PTPRD: variants seen among roughly 807,000 people sequenced by gnomAD.
PTPRD encodes the protein receptor-type tyrosine-protein phosphatase delta.
A neutral mutation model predicts 214.5 loss-of-function variants in PTPRD; 34 were observed. The observed-to-expected ratio is 0.16, with a 90% confidence interval of 0.12 to 0.21. The LOEUF (loss-of-function observed/expected upper bound fraction) is 0.21. Ranked by LOEUF, PTPRD falls within the 10% of genes least tolerant of loss-of-function variation. PTPRD has a pLI of 1.00. For synonymous variants in PTPRD, 1,128 were observed against 845.7 expected (o/e 1.33, Z -5.79); for missense variants, 2,545 against 2,398.7 (o/e 1.06, Z -1.27).
chr9:9,465,720 G>A (rs2094094375), intron 8 of PTPRD, among the ~76,000 whole-genome samples: 1 of 152,026 alleles, frequency 6.6e-6, no homozygotes, highest in Non-Finnish European at 1.5e-5. Context: ...GTGAGATTTT[G>A]CTTAATGAAA....
At chr9:8,956,910 T>C (rs1417515663) in intron 11 of PTPRD, among the ~76,000 whole-genome samples, 2 of 151,876 alleles carry the variant, frequency 1.3e-5, no homozygotes, top group East Asian at 1.9e-4. Flanking sequence ...AACATTGCTA[T>C]TTTTTGAAAC....
At chr9:9,680,642 C>A (rs1477171340) in intron 7 of PTPRD, among the ~76,000 whole-genome samples, 1 of 151,782 alleles carries the variant, frequency 6.6e-6, no homozygotes, top group Non-Finnish European at 1.5e-5. Context: ...CCACCTACTA[C>A]TAAAATATAG....
chr9:9,302,727 C>T (rs1955862249), intron 9 of PTPRD, among the ~76,000 whole-genome samples: 2 of 150,482 alleles, frequency 1.3e-5, no homozygotes, highest in African/African-American at 2.4e-5. Context: ...CTGATATTAC[C>T]TTTTTCCTTT....
At chr9:8,776,847 A>ATATATATACAT (rs1319028190) in intron 11 of PTPRD, among the ~76,000 whole-genome samples, 1 of 147,784 alleles carries the variant, frequency 6.8e-6, no homozygotes, top group Non-Finnish European at 1.5e-5. Context: ...ACATAGGTAT[A>ATATATATACAT]ATATAAAAAT....
intron 9 of PTPRD, among the ~76,000 whole-genome samples, chr9:9,250,544 T>G (rs1217532823): frequency 6.6e-6 from 1 of 152,074 alleles, no homozygotes; most frequent in African/African-American, 2.4e-5. Context: ...TATTATCAGG[T>G]GTCTCTTCAA....
rs1217470478 is a variant in PTPRD at position 10,060,827 on chromosome 9, T to TCTTTCTTTCTTC, written c.-544-27038_-544-27037insGAAGAAAGAAAG. 1.0e-4 allele frequency among the ~76,000 whole-genome samples: 12 copies of TCTTTCTTTCTTC among 119,752 alleles called. 1 individual carries two copies. The highest frequency in any genetic ancestry group is 1.6e-4 in the African/African-American group (3 of 18,574). 78.6% of individuals were successfully genotyped at this position (119,752 alleles called of 152,430 possible). The stretch of plus-strand genomic sequence containing the variant: ...TCCTTTCTTTCTTTCTTTCTTTCTT[T>TCTTTCTTTCTTC]CTTCCTTCCTTCCTTCCTTTCCTTT... On this transcript the variant is annotated intron_variant, in intron 3 of 45. Transcript: ENST00000381196.
intron 3 of PTPRD, among the ~76,000 whole-genome samples, chr9:10,050,084 A>AAAAT (rs1188239105): frequency 6.6e-6 from 1 of 152,160 alleles, no homozygotes; most frequent in Non-Finnish European, 1.5e-5. Flanking sequence ...TAATAGGTTC[A>AAAAT]AAATAAATAT....
chr9:8,468,331 A>G (rs747757822), intron 31 of PTPRD, among the ~76,000 whole-genome samples: 1 of 151,944 alleles, frequency 6.6e-6, no homozygotes, highest in African/African-American at 2.4e-5. Context: ...ATTATTTTAC[A>G]ACAAGCCTTT....
intron 9 of PTPRD, among the ~76,000 whole-genome samples, chr9:9,319,560 G>T (rs1029996393): frequency 1.3e-5 from 2 of 152,126 alleles, no homozygotes; most frequent in Admixed American, 1.3e-4. Context: ...TTCTACCAAA[G>T]AGTTAAATTA....
intron 3 of PTPRD, among the ~76,000 whole-genome samples, chr9:10,221,704 T>G (rs1433808620): frequency 6.6e-6 from 1 of 151,980 alleles, no homozygotes; most frequent in Admixed American, 6.6e-5. Flanking sequence ...ATCCACAATT[T>G]TTTACCAATG....
At chr9:9,288,209 C>T (rs957326125) in intron 9 of PTPRD, among the ~76,000 whole-genome samples, 17 of 151,736 alleles carry the variant, frequency 1.1e-4, no homozygotes, top group Non-Finnish European at 2.4e-4. Context: ...GATTATTCAT[C>T]TACTCTAAAA....
intron 3 of PTPRD, among the ~76,000 whole-genome samples, chr9:10,171,379 T>G (rs1426975644): frequency 6.6e-6 from 1 of 152,046 alleles, no homozygotes; most frequent in Non-Finnish European, 1.5e-5. Context: ...GAGAAACCCT[T>G]TCGCTTGGCT....
At chr9:9,119,757 C>T (rs1439031816) in intron 10 of PTPRD, among the ~76,000 whole-genome samples, 1 of 151,930 alleles carries the variant, frequency 6.6e-6, no homozygotes, top group East Asian at 1.9e-4. Flanking sequence ...CTTCTGAGCT[C>T]AGATGATCCA....
intron 11 of PTPRD, among the ~76,000 whole-genome samples, chr9:8,898,587 T>C (rs2098639678): frequency 6.6e-6 from 1 of 152,210 alleles, no homozygotes; most frequent in Admixed American, 6.5e-5. Context: ...TAAATTAAAA[T>C]ACAGAGGTTG....
chr9:8,626,170 T>C (rs2096025586), intron 14 of PTPRD, among the ~76,000 whole-genome samples: 1 of 151,888 alleles, frequency 6.6e-6, no homozygotes, highest in African/African-American at 2.4e-5. Context: ...GGATACTGAA[T>C]TTTTAAAAAC....
intron 9 of PTPRD, among the ~76,000 whole-genome samples, chr9:9,385,929 A>T (rs2063732382): frequency 6.6e-6 from 1 of 152,156 alleles, no homozygotes; most frequent in Non-Finnish European, 1.5e-5. Flanking sequence ...ATCATAAAAC[A>T]AGTATGAACA....
At chr9:8,666,850 G>T (rs895306330) in intron 12 of PTPRD, among the ~76,000 whole-genome samples, 3 of 152,122 alleles carry the variant, frequency 2.0e-5, no homozygotes, top group Admixed American at 6.5e-5. Flanking sequence ...GGCCATCCAT[G>T]ACCTCCGCCT....
intron 9 of PTPRD, among the ~76,000 whole-genome samples, chr9:9,185,547 C>T (rs1320052593): frequency 2.0e-5 from 3 of 152,074 alleles, no homozygotes; most frequent in African/African-American, 7.2e-5. Context: ...TTCAGCCCTA[C>T]TTAAGCAACG....
chr9:9,366,150 A>T (rs1361141870), intron 9 of PTPRD, among the ~76,000 whole-genome samples: 1 of 151,484 alleles, frequency 6.6e-6, no homozygotes, highest in Non-Finnish European at 1.5e-5. Context: ...ACTCCTGTGA[A>T]ATAATTACCA....
Sources: gnomAD v4.1 joint callset for allele counts (sites outside exome capture counted in the v4.1 genomes callset) on GRCh38, gnomAD v4.1.1 for gene constraint, MANE v1.5 for transcripts, NCBI Gene and HGNC (gene_info 2026-07-23, HGNC 2026-07-21) for gene names.